Variants in PRKCA observed in about 807,000 individuals in gnomAD.
PRKCA encodes the protein protein kinase C alpha type.
Under a neutral mutation model 87.0 loss-of-function variants are expected in PRKCA, and 27 were observed. The ratio of observed to expected loss-of-function variants is 0.31; its 90% CI spans 0.23 to 0.43. The LOEUF (loss-of-function observed/expected upper bound fraction) is 0.43. Among genes scored for constraint, PRKCA ranks in the 20% least tolerant of loss-of-function variants. The pLI, the probability that PRKCA is intolerant of heterozygous loss-of-function variation, is 1.00. For synonymous variants in PRKCA, 329 were observed against 311.1 expected (o/e 1.06, Z -0.61); for missense variants, 518 against 852.3 (o/e 0.61, Z 4.88).
At chr17:66,325,522 G>T (rs1905927669) in intron 2 of PRKCA, among the ~76,000 whole-genome samples, 1 of 152,112 alleles carries the variant, frequency 6.6e-6, no homozygotes, top group African/African-American at 2.4e-5. Flanking sequence ...GACCTTATAG[G>T]AACCATAATT....
intron 2 of PRKCA, among the ~76,000 whole-genome samples, chr17:66,451,603 G>A (rs12452749): frequency 0.045 from 6,842 of 152,222 alleles, 230 homozygotes; most frequent in Admixed American, 0.11. Flanking sequence ...TATTTTGGAG[G>A]AGTAGTTGTA....
intron 14 of PRKCA, 97 bp from the exon 15 acceptor site, chr17:66,786,770 C>A: frequency 1.1e-6 from 1 of 892,990 alleles, no homozygotes; most frequent in South Asian, 1.6e-5. Flanking sequence ...GCTGAGAAAC[C>A]TGGTCTGTTC....
intron 3 of PRKCA, among the ~76,000 whole-genome samples, chr17:66,503,998 G>A (rs1916863297): frequency 6.6e-6 from 1 of 152,160 alleles, no homozygotes; most frequent in Admixed American, 6.5e-5. Context: ...TTAAAATTCA[G>A]CAGAGTATAT....
chr17:66,739,232 C>G (rs183896446), intron 11 of PRKCA, among the ~76,000 whole-genome samples: 95 of 152,274 alleles, frequency 6.2e-4, no homozygotes, highest in African/African-American at 2.2e-3. Context: ...GGGATTCTGC[C>G]CAGTTTTAGG....
At chr17:66,453,921 A>G (rs188803884) in intron 2 of PRKCA, among the ~76,000 whole-genome samples, 1 of 152,256 alleles carries the variant, frequency 6.6e-6, no homozygotes, top group East Asian at 1.9e-4. Flanking sequence ...GTGGGATATG[A>G]TTTCTGTGTA....
At chr17:66,701,758 A>G (rs1183638681) in intron 8 of PRKCA, among the ~76,000 whole-genome samples, 1 of 152,160 alleles carries the variant, frequency 6.6e-6, no homozygotes, top group African/African-American at 2.4e-5. Context: ...AAATTGTCAA[A>G]ATTATAATGA....
At chr17:66,584,215 G>A (rs2143485933) in intron 3 of PRKCA, among the ~76,000 whole-genome samples, 1 of 152,076 alleles carries the variant, frequency 6.6e-6, no homozygotes, top group African/African-American at 2.4e-5. Context: ...TTGTTTGTTT[G>A]TTTTTGGCTT....
chr17:66,630,781 T>C (rs1970989350), intron 3 of PRKCA, among the ~76,000 whole-genome samples: 1 of 152,228 alleles, frequency 6.6e-6, no homozygotes, highest in Non-Finnish European at 1.5e-5. Context: ...CTACTTTCAG[T>C]TGAACTCAAA....
chr17:66,356,263 A>G (rs1322487129), intron 2 of PRKCA, among the ~76,000 whole-genome samples: 1 of 152,168 alleles, frequency 6.6e-6, no homozygotes, highest in African/African-American at 2.4e-5. Flanking sequence ...ACAAGATGAT[A>G]GAAGACTTTT....
chr17:66,606,551 C>T (rs1357008119), intron 3 of PRKCA, among the ~76,000 whole-genome samples: 1 of 152,142 alleles, frequency 6.6e-6, no homozygotes, highest in Non-Finnish European at 1.5e-5. Context: ...AATTACCACA[C>T]AGACAAATGG....
chr17:66,578,685 C>T (rs910170450), intron 3 of PRKCA, among the ~76,000 whole-genome samples: 1 of 152,174 alleles, frequency 6.6e-6, no homozygotes, highest in African/African-American at 2.4e-5. Context: ...GTTTGTCTTC[C>T]ACACCCTTTA....
At chr17:66,308,285 A>G (rs1183606828) in intron 2 of PRKCA, among the ~76,000 whole-genome samples, 2 of 152,116 alleles carry the variant, frequency 1.3e-5, no homozygotes, top group African/African-American at 4.8e-5. Context: ...CTTCATTTTT[A>G]CCAGTGAAGA....
intron 2 of PRKCA, among the ~76,000 whole-genome samples, chr17:66,424,163 A>C (rs960339214): frequency 1.3e-5 from 2 of 152,148 alleles, no homozygotes; most frequent in African/African-American, 4.8e-5. Flanking sequence ...CACGTTTTGA[A>C]TATCTTTCTG....
chr17:66,620,932 A>C (rs1288305239), intron 3 of PRKCA, among the ~76,000 whole-genome samples: 1 of 152,230 alleles, frequency 6.6e-6, no homozygotes, highest in African/African-American at 2.4e-5. Flanking sequence ...AAGTTCCATG[A>C]TGAAGTTGTC....
chr17:66,587,893 G>GTATATATATATATATA (rs1315328922), intron 3 of PRKCA, among the ~76,000 whole-genome samples: 1 of 51,636 alleles, frequency 1.9e-5, no homozygotes, highest in African/African-American at 7.6e-5. Flanking sequence ...GTGTGTGTGT[G>GTATATATATATATATA]TGTATATATA....
chr17:66,331,445 G>A (rs1046353320), intron 2 of PRKCA, among the ~76,000 whole-genome samples: 3 of 152,144 alleles, frequency 2.0e-5, no homozygotes, highest in Admixed American at 6.5e-5. Flanking sequence ...GTTCTATGCT[G>A]TAGCAACACA....
At chr17:66,756,002 G>A (rs972611404) in intron 13 of PRKCA, among the ~76,000 whole-genome samples, 2 of 152,192 alleles carry the variant, frequency 1.3e-5, no homozygotes, top group Admixed American at 6.5e-5. Context: ...GTGCTGGGGT[G>A]CAAAAACCTG....
chr17:66,738,621 A>T, intron 10 of PRKCA, 143 bp from the exon 11 acceptor site: 2 of 684,960 alleles, frequency 2.9e-6, no homozygotes, highest in South Asian at 3.4e-5. Context: ...TTGGAAAAAA[A>T]TGTGAAAGAG....
At chr17:66,336,663 A>ATAGTAAATTATTAAACATTTGCCTG (rs1567777790) in intron 2 of PRKCA, among the ~76,000 whole-genome samples, 37 of 137,150 alleles carry the variant, frequency 2.7e-4, no homozygotes, top group African/African-American at 1.3e-3. Flanking sequence ...ACATTTGCCT[A>ATAGTAAATTATTAAACATTTGCCTG]TATAGTAAAT....
Sources: allele counts gnomAD v4.1 joint callset (sites outside exome capture counted in the v4.1 genomes callset), GRCh38; gene constraint gnomAD v4.1.1; transcripts MANE v1.5; gene names NCBI Gene and HGNC (gene_info 2026-07-23, HGNC 2026-07-21).